IL15: variants seen among roughly 807,000 people sequenced by gnomAD.
IL15 encodes the protein interleukin-15.
IL15 carries 11 observed loss-of-function variants against 19.6 expected under a neutral mutation model. That is an observed-to-expected ratio of 0.56 (90% CI 0.35 to 0.93). IL15 has a LOEUF of 0.93. Ranked by LOEUF, IL15 falls within the 40% of genes least tolerant of loss-of-function variation. The pLI is 0.01. For synonymous variants in IL15, 58 were observed against 59.6 expected (o/e 0.97, Z 0.12); for missense variants, 197 against 186.5 (o/e 1.06, Z -0.33).
rs977718545 is a variant in IL15 at position 141,721,407 on chromosome 4, G to A, written c.111-517G>A. 1.1e-5 allele frequency: 7 copies of A among 626,348 alleles called. 1 individual carries two copies. The highest frequency in any genetic ancestry group is 1.1e-4 in the African/African-American group (6 of 54,898). The allele number at this position is 626,348 out of a possible 1,614,324, so 38.8% of individuals were successfully genotyped here. On this transcript the variant is annotated intron_variant, in intron 4 of 7. Coordinates refer to ENST00000320650, the MANE Select transcript of IL15 (RefSeq NM_000585.5). ...CTGGAATGAAGTCTGTACTGTTTAT[G>A]GAGAAAGCTGCTGCAAGCATAGTAA... is the stretch of plus-strand genomic sequence containing the variant.
intron 4 of IL15, 89 bp downstream of exon 4, chr4:141,720,655 C>T (rs1730044031): frequency 1.2e-6 from 1 of 806,414 alleles, no homozygotes; most frequent in Non-Finnish European, 2.2e-6. Context: ...AGTTTACGTT[C>T]AGTTTGCTTA....
intron 2 of IL15, among the ~76,000 whole-genome samples, chr4:141,701,566 A>G (rs2152181907): frequency 6.6e-6 from 1 of 152,278 alleles, no homozygotes; most frequent in African/African-American, 2.4e-5. Context: ...ACTTTACTCC[A>G]GTATTTTATT....
chr4:141,641,756 G>T (rs1271797458), intron 1 of IL15, among the ~76,000 whole-genome samples: 1 of 150,970 alleles, frequency 6.6e-6, no homozygotes, highest in Non-Finnish European at 1.5e-5. Flanking sequence ...CGAGTTAATG[G>T]GTGCAGCACA....
chr4:141,727,838 A>T, intron 5 of IL15, 102 bp from the exon 6 acceptor site: 1 of 653,352 alleles, frequency 1.5e-6, no homozygotes, highest in Non-Finnish European at 2.7e-6. Context: ...ATCTCAAAAT[A>T]AAAAAAGAAT....
chr4:141,671,619 A>G (rs1728179618), intron 2 of IL15, among the ~76,000 whole-genome samples: 1 of 152,146 alleles, frequency 6.6e-6, no homozygotes, highest in Admixed American at 6.5e-5. Context: ...CGCTTTCATC[A>G]TGCAGTTTCT....
chr4:141,679,645 G>A (rs775242895), intron 2 of IL15, among the ~76,000 whole-genome samples: 19 of 152,068 alleles, frequency 1.2e-4, no homozygotes, highest in Non-Finnish European at 1.3e-4. Flanking sequence ...GATTATTTCT[G>A]CTGTCTAGGA....
chr4:141,640,549 A>G (rs1355340883), intron 1 of IL15, among the ~76,000 whole-genome samples: 5 of 152,166 alleles, frequency 3.3e-5, no homozygotes, highest in African/African-American at 1.2e-4. Flanking sequence ...GAATTTGCCT[A>G]TGTCAAAGAA....
At chr4:141,699,568 A>G (rs147366839) in intron 2 of IL15, among the ~76,000 whole-genome samples, 11 of 152,252 alleles carry the variant, frequency 7.2e-5, no homozygotes, top group East Asian at 5.8e-4. Flanking sequence ...CTAATCTTTT[A>G]TCAGTATATA....
chr4:141,641,465 A>G (rs1185900505), intron 1 of IL15, among the ~76,000 whole-genome samples: 3 of 152,140 alleles, frequency 2.0e-5, no homozygotes, highest in African/African-American at 4.8e-5. Context: ...TGTTAGACTG[A>G]ATTAAGAAAA....
rs2152195168 is a variant in IL15, at chr4:141,733,259, T to C, written c.*411T>C. 1 of 162,632 alleles carries C rather than the reference T, an allele frequency of 6.1e-6. No individual in the cohort carries two copies. Among genetic ancestry groups the C allele is most frequent in the East Asian group, 1.9e-4 (1 of 5,330 alleles). The allele number at this position is 162,632 out of a possible 1,614,324, so 10.1% of individuals were successfully genotyped here. A position where few individuals can be genotyped will look rare whatever the true frequency, so the allele number is the denominator to read the frequency against. On this transcript the variant is annotated 3_prime_UTR_variant, in exon 8 of 8. Coordinates refer to ENST00000320650, the MANE Select transcript of IL15 (RefSeq NM_000585.5). Reference sequence around the variant, plus strand: ...GGTACCAATGCTGCAGGTCAACAGCTATGCTGGTAGGCTCCTGCCAGTGTG... The same window carrying C: ...GGTACCAATGCTGCAGGTCAACAGCCATGCTGGTAGGCTCCTGCCAGTGTG...
intron 2 of IL15, among the ~76,000 whole-genome samples, chr4:141,700,841 T>G (rs2152181578): frequency 6.6e-6 from 1 of 152,372 alleles, no homozygotes; most frequent in Non-Finnish European, 1.5e-5. Flanking sequence ...TTTGTCTTTG[T>G]CTGATTGGGT....
At chr4:141,683,884 G>C (rs1378296569) in intron 2 of IL15, among the ~76,000 whole-genome samples, 1 of 152,168 alleles carries the variant, frequency 6.6e-6, no homozygotes, top group African/African-American at 2.4e-5. Context: ...GGATTCTAAA[G>C]GGATTTATAA....
At chr4:141,721,709 G>A (rs1730087911) in intron 4 of IL15, 2 of 562,652 alleles carry the variant, frequency 3.6e-6, no homozygotes, top group African/African-American at 1.9e-5. Context: ...CTCTAATCCG[G>A]GTTGGTGAAG....
intron 2 of IL15, among the ~76,000 whole-genome samples, chr4:141,704,116 A>T (rs948605880): frequency 1.3e-5 from 2 of 152,134 alleles, no homozygotes; most frequent in African/African-American, 4.8e-5. Flanking sequence ...ATGGATAGGC[A>T]TCCTTGTCTT....
intron 2 of IL15, among the ~76,000 whole-genome samples, chr4:141,712,028 C>T (rs904916242): frequency 9.2e-5 from 14 of 152,010 alleles, no homozygotes; most frequent in Admixed American, 2.0e-4. Context: ...TTCAATTATC[C>T]CTTTTATGCC....
chr4:141,722,798 A>G (rs1342347646), intron 5 of IL15, among the ~76,000 whole-genome samples: 2 of 152,220 alleles, frequency 1.3e-5, no homozygotes, highest in South Asian at 2.1e-4. Context: ...GAAGCAAATG[A>G]AAAACTAAAT....
chr4:141,682,516 A>G (rs1337486618), intron 2 of IL15, among the ~76,000 whole-genome samples: 1 of 152,214 alleles, frequency 6.6e-6, no homozygotes, highest in Non-Finnish European at 1.5e-5. Context: ...AACACACATA[A>G]GTAATATATA....
At chr4:141,665,427 A>G (rs1436794366) in intron 2 of IL15, among the ~76,000 whole-genome samples, 1 of 152,150 alleles carries the variant, frequency 6.6e-6, no homozygotes, top group Non-Finnish European at 1.5e-5. Context: ...ATTTTAATAT[A>G]TACTAGGTCT....
rs1248343674 is a variant in IL15, at chr4:141,721,000, T to C, written c.110+434T>C. ...CTTTCTTTATTTAAGCCTTTTGTTG[T>C]TTCCTTCTAATAAAATTCATATGTT... On this transcript the variant is annotated intron_variant, in intron 4 of 7. Transcript: ENST00000320650. The C allele has an allele frequency of 5.0e-6, 3 of 605,028 alleles. No homozygotes were observed. In the African/African-American group the frequency reaches 5.6e-5, roughly 11 times the overall value. 37.5% of individuals were successfully genotyped at this position (605,028 alleles called of 1,614,324 possible).
Sources: allele counts gnomAD v4.1 joint callset (sites outside exome capture counted in the v4.1 genomes callset), GRCh38; gene constraint gnomAD v4.1.1; transcripts MANE v1.5; gene names NCBI Gene and HGNC (gene_info 2026-07-23, HGNC 2026-07-21).